ANO3: variants seen among roughly 807,000 people sequenced by gnomAD.
The protein encoded by ANO3 is anoctamin-3.
ANO3 carries 99 observed loss-of-function variants against 144.8 expected under a neutral mutation model. The ratio of observed to expected loss-of-function variants is 0.68; its 90% CI spans 0.58 to 0.81. ANO3 has a LOEUF of 0.81. Ranked by LOEUF, ANO3 falls within the 30% of genes least tolerant of loss-of-function variation. The probability of loss-of-function intolerance (pLI) is 0.00; values close to 1 mark genes in which losing one functional copy is unlikely to be tolerated. For missense variants in ANO3, 905 were observed against 1,202.2 expected (o/e 0.75, Z 3.66); for synonymous variants, 414 against 392.6 (o/e 1.05, Z -0.64).
chr11:26,534,287 T>A (rs574243286), intron 8 of ANO3, among the ~76,000 whole-genome samples, 169 bp from the exon 9 acceptor site: 2 of 152,318 alleles, frequency 1.3e-5, no homozygotes, highest in East Asian at 3.9e-4. Context: ...CATTTGATAA[T>A]GCCTTGTATT....
chr11:26,315,674 TATCTATCTATCC>T (rs1368338250), intron 1 of ANO3, among the ~76,000 whole-genome samples: 4 of 143,982 alleles, frequency 2.8e-5, no homozygotes, highest in African/African-American at 1.0e-4. Context: ...TCTATCTATC[TATCTATCTATCC>T]ATCTATCTAT....
chr11:26,479,557 G>C (rs1231234077), intron 4 of ANO3, among the ~76,000 whole-genome samples: 1 of 152,042 alleles, frequency 6.6e-6, no homozygotes, highest in East Asian at 1.9e-4. Context: ...TAAAACCATC[G>C]GATCTCGTGA....
At chr11:26,611,538 C>G (rs1199909146) in intron 17 of ANO3, among the ~76,000 whole-genome samples, 4 of 152,062 alleles carry the variant, frequency 2.6e-5, no homozygotes, top group Non-Finnish European at 4.4e-5. Context: ...TGTGATCTAT[C>G]CTGGAGAATG....
chr11:26,641,795 A>G, intron 21 of ANO3, 101 bp from the exon 22 acceptor site: 1 of 1,210,410 alleles, frequency 8.3e-7, no homozygotes, highest in Middle Eastern at 2.1e-4. Context: ...TCCAATTCCG[A>G]GGAGCTGGAA....
At chr11:26,273,200 T>C (rs533788854) in intron 1 of ANO3, among the ~76,000 whole-genome samples, 1 of 151,914 alleles carries the variant, frequency 6.6e-6, no homozygotes, top group Admixed American at 6.6e-5. Context: ...AGGAAGTACC[T>C]TTTCAGTAAG....
At chr11:26,519,614 C>G (rs1414103516) in intron 6 of ANO3, among the ~76,000 whole-genome samples, 1 of 152,094 alleles carries the variant, frequency 6.6e-6, no homozygotes, top group Non-Finnish European at 1.5e-5. Context: ...GGGTTGTATC[C>G]TCACATGGTA....
intron 6 of ANO3, among the ~76,000 whole-genome samples, chr11:26,520,422 G>A (rs1235512534): frequency 6.6e-6 from 1 of 152,054 alleles, no homozygotes; most frequent in Non-Finnish European, 1.5e-5. Flanking sequence ...CCTTTTAATT[G>A]GTGTTTTGCC....
intron 1 of ANO3, among the ~76,000 whole-genome samples, chr11:26,431,827 C>A (rs1049662137): frequency 2.6e-5 from 4 of 152,258 alleles, no homozygotes; most frequent in African/African-American, 9.6e-5. Context: ...TAATTTGATT[C>A]ATTGTCTTTG....
chr11:26,652,454 T>G (rs1853562727), intron 24 of ANO3, among the ~76,000 whole-genome samples: 1 of 152,112 alleles, frequency 6.6e-6, no homozygotes, highest in Non-Finnish European at 1.5e-5. Context: ...CTCCTCCAAG[T>G]TCCTAGAAAT....
chr11:26,325,327 A>C (rs904872926), intron 1 of ANO3, among the ~76,000 whole-genome samples: 6 of 152,200 alleles, frequency 3.9e-5, no homozygotes, highest in Non-Finnish European at 7.3e-5. Flanking sequence ...TTTGTTAACT[A>C]TACTGAAAAG....
intron 1 of ANO3, among the ~76,000 whole-genome samples, chr11:26,316,994 G>A (rs1176133801): frequency 1.3e-5 from 2 of 152,126 alleles, no homozygotes; most frequent in Non-Finnish European, 2.9e-5. Context: ...CCTACACCTA[G>A]TTGGCCAGAG....
At chr11:26,641,741 T>C (rs1399872172) in intron 21 of ANO3, among the ~76,000 whole-genome samples, 155 bp from the exon 22 acceptor site, 4 of 152,180 alleles carry the variant, frequency 2.6e-5, no homozygotes, top group Non-Finnish European at 5.9e-5. Flanking sequence ...AAATGTTTTT[T>C]TAACTTTTTT....
At chr11:26,265,000 G>A (rs998647890) in intron 1 of ANO3, among the ~76,000 whole-genome samples, 5 of 151,582 alleles carry the variant, frequency 3.3e-5, no homozygotes, top group African/African-American at 1.2e-4. Flanking sequence ...TGGTGGTTTT[G>A]GTGCTAACAA....
In ANO3 at chr11:26,534,801, AAT is replaced by A. The variant is rs1194807914; in HGVS notation, c.976+242_976+243del. ...AAATGTGAAAACACTTTGAAACAGAAATATTATTTCTTGAAATTTATCCCCCT... is the reference window on the plus strand; with the variant it reads ...AAATGTGAAAACACTTTGAAACAGAAATTATTTCTTGAAATTTATCCCCCT... On this transcript the variant is annotated intron_variant, in intron 9 of 26. Transcript: ENST00000256737. Among the ~76,000 whole-genome samples, 8 of 152,312 alleles carry A rather than the reference AAT, an allele frequency of 5.3e-5. No homozygotes were observed. The East Asian group carries it at 1.5e-3, about 29-fold the overall frequency.
chr11:26,473,532 A>T (rs987667242), intron 4 of ANO3, among the ~76,000 whole-genome samples: 1 of 151,766 alleles, frequency 6.6e-6, no homozygotes, highest in African/African-American at 2.4e-5. Flanking sequence ...ATTTCCTTTA[A>T]AACCAGAAAA....
intron 1 of ANO3, among the ~76,000 whole-genome samples, chr11:26,441,123 T>TTTG (rs1858500551): frequency 8.1e-6 from 1 of 123,582 alleles, no homozygotes; most frequent in Non-Finnish European, 1.7e-5. Flanking sequence ...TTTTTTTTTT[T>TTTG]TTTTTTTTTT....
At chr11:26,379,305 T>C (rs766117683) in intron 1 of ANO3, among the ~76,000 whole-genome samples, 7 of 152,196 alleles carry the variant, frequency 4.6e-5, no homozygotes, top group Non-Finnish European at 8.8e-5. Context: ...CTGAGTTTGA[T>C]ACAAGTCATC....
intron 1 of ANO3, among the ~76,000 whole-genome samples, chr11:26,240,018 GT>G (rs1177590555): frequency 6.6e-6 from 1 of 152,184 alleles, no homozygotes; most frequent in East Asian, 1.9e-4. Flanking sequence ...ATTGTAAGAT[GT>G]GGATCTCATT....
intron 17 of ANO3, among the ~76,000 whole-genome samples, chr11:26,604,478 T>C (rs1851883111): frequency 6.6e-6 from 1 of 152,108 alleles, no homozygotes; most frequent in Non-Finnish European, 1.5e-5. Flanking sequence ...ATGGGAATAG[T>C]ATTGAATCTA....
Sources: gnomAD v4.1 joint callset for allele counts (sites outside exome capture counted in the v4.1 genomes callset) on GRCh38, gnomAD v4.1.1 for gene constraint, MANE v1.5 for transcripts, NCBI Gene and HGNC (gene_info 2026-07-23, HGNC 2026-07-21) for gene names.